ZBTB16: variants seen among roughly 807,000 people sequenced by gnomAD.
ZBTB16 encodes the protein zinc finger and BTB domain containing 16.
ZBTB16 carries 8 observed loss-of-function variants against 56.8 expected under a neutral mutation model. The observed-to-expected ratio is 0.14, with a 90% CI of 0.08 to 0.25. The LOEUF (loss-of-function observed/expected upper bound fraction) is 0.25. Among genes scored for constraint, ZBTB16 ranks in the 10% least tolerant of loss-of-function variants. The pLI is 1.00. For missense variants in ZBTB16, 625 were observed against 903.0 expected (o/e 0.69, Z 3.95); for synonymous variants, 363 against 368.5 (o/e 0.98, Z 0.17).
At chr11:114,085,136 G>A (rs969196576) in intron 2 of ZBTB16, among the ~76,000 whole-genome samples, 1 of 152,204 alleles carries the variant, frequency 6.6e-6, no homozygotes, top group Non-Finnish European at 1.5e-5. Flanking sequence ...TAGAGTGGAG[G>A]CTGTGGCCCA....
At chr11:114,140,373 C>T (rs921938543) in intron 2 of ZBTB16, among the ~76,000 whole-genome samples, 1 of 152,200 alleles carries the variant, frequency 6.6e-6, no homozygotes, top group Admixed American at 6.5e-5. Context: ...TGTCTTCCCT[C>T]TTCAACTAAA....
chr11:114,161,819 T>G, intron 3 of ZBTB16, among the ~76,000 whole-genome samples: 1 of 151,780 alleles, frequency 6.6e-6, no homozygotes, highest in Middle Eastern at 3.2e-3. Flanking sequence ...TTGGGCTTTT[T>G]TTTATGTAGA....
chr11:114,219,965 T>G (rs756958709), intron 4 of ZBTB16, among the ~76,000 whole-genome samples: 5 of 152,214 alleles, frequency 3.3e-5, no homozygotes, highest in African/African-American at 7.2e-5. Flanking sequence ...TTTCACATAG[T>G]CTGTCCCAGT....
intron 2 of ZBTB16, among the ~76,000 whole-genome samples, chr11:114,071,860 A>T (rs1029852866): frequency 6.6e-6 from 1 of 152,236 alleles, no homozygotes. Flanking sequence ...GGAAATGAGC[A>T]CTTTGACTGT....
chr11:114,188,712 C>G (rs1176508978), intron 4 of ZBTB16: 3 of 152,194 alleles, frequency 2.0e-5, no homozygotes, highest in Non-Finnish European at 4.4e-5. Flanking sequence ...AACTGAGCTT[C>G]TAGCTGGGAG....
At chr11:114,088,159 T>TTG (rs1555130564) in intron 2 of ZBTB16, among the ~76,000 whole-genome samples, 38 of 150,642 alleles carry the variant, frequency 2.5e-4, no homozygotes, top group African/African-American at 8.1e-4. Context: ...TTTTTTTTTT[T>TTG]GATACAGAGT....
At chr11:114,076,845 C>T (rs571023835) in intron 2 of ZBTB16, among the ~76,000 whole-genome samples, 14 of 152,208 alleles carry the variant, frequency 9.2e-5, no homozygotes, top group African/African-American at 3.1e-4. Context: ...CCACCTCTCC[C>T]GCGCCTTTCC....
intron 3 of ZBTB16, among the ~76,000 whole-genome samples, chr11:114,179,308 G>A (rs1743513586): frequency 6.9e-6 from 1 of 144,884 alleles, no homozygotes; most frequent in African/African-American, 2.6e-5. Flanking sequence ...GAGCCTTCAA[G>A]CTCCTCTCTG....
chr11:114,150,606 A>T (rs1209647477), intron 2 of ZBTB16, among the ~76,000 whole-genome samples: 2 of 152,218 alleles, frequency 1.3e-5, no homozygotes, highest in Admixed American at 6.5e-5. Context: ...TTCCTCTTAA[A>T]ATTAGAGCAC....
intron 4 of ZBTB16, among the ~76,000 whole-genome samples, chr11:114,191,435 G>A (rs1215486681): frequency 4.1e-4 from 63 of 152,274 alleles, no homozygotes; most frequent in Admixed American, 4.1e-3. Flanking sequence ...TGAAGTCTAG[G>A]AACAATTGGC....
chr11:114,082,494 T>G (rs1939803015), intron 2 of ZBTB16, among the ~76,000 whole-genome samples: 1 of 152,174 alleles, frequency 6.6e-6, no homozygotes, highest in Admixed American at 6.5e-5. Context: ...CCGGGAGAGT[T>G]GGAGCCTTGG....
At chr11:114,196,089 A>G (rs1565679922) in intron 4 of ZBTB16, among the ~76,000 whole-genome samples, 1 of 152,232 alleles carries the variant, frequency 6.6e-6, no homozygotes, top group African/African-American at 2.4e-5. Flanking sequence ...TGGAATGCCC[A>G]AAGCTTCCCA....
chr11:114,073,498 C>T (rs999518705), intron 2 of ZBTB16, among the ~76,000 whole-genome samples: 1 of 152,072 alleles, frequency 6.6e-6, no homozygotes, highest in Non-Finnish European at 1.5e-5. Context: ...GTTTTGCCTA[C>T]GTGAGGCTTA....
intron 2 of ZBTB16, among the ~76,000 whole-genome samples, chr11:114,133,504 A>G (rs892188642): frequency 1.3e-5 from 2 of 152,176 alleles, no homozygotes; most frequent in Admixed American, 6.5e-5. Context: ...TTGAGGTCCA[A>G]CAGGCCCCTG....
intron 2 of ZBTB16, among the ~76,000 whole-genome samples, chr11:114,141,547 T>A (rs1022956172): frequency 9.2e-5 from 14 of 152,250 alleles, no homozygotes; most frequent in African/African-American, 3.4e-4. Flanking sequence ...TGTGCTAAGT[T>A]GTTTTACATG....
intron 4 of ZBTB16, among the ~76,000 whole-genome samples, chr11:114,202,397 A>G (rs996887972): frequency 1.1e-4 from 16 of 152,130 alleles, no homozygotes; most frequent in African/African-American, 3.6e-4. Flanking sequence ...CCACGAGGTC[A>G]CAGAGGTGAC....
chr11:114,135,829 G>A (rs1158189989), intron 2 of ZBTB16, among the ~76,000 whole-genome samples: 1 of 152,140 alleles, frequency 6.6e-6, no homozygotes, highest in African/African-American at 2.4e-5. Context: ...ACTGTTCTCG[G>A]GTGCTCTTGC....
chr11:114,232,100 C>G (rs947989983), intron 4 of ZBTB16, among the ~76,000 whole-genome samples: 2 of 152,264 alleles, frequency 1.3e-5, no homozygotes, highest in Middle Eastern at 3.4e-3. Flanking sequence ...CTTTCATGCT[C>G]CGTCCCGATG....
At chr11:114,074,935 G>A (rs753473089) in intron 2 of ZBTB16, among the ~76,000 whole-genome samples, 1 of 152,128 alleles carries the variant, frequency 6.6e-6, no homozygotes, top group Non-Finnish European at 1.5e-5. Context: ...GATTTATGCA[G>A]TGAGGGCGAC....
Sources: gnomAD v4.1 joint callset for allele counts (sites outside exome capture counted in the v4.1 genomes callset) on GRCh38, gnomAD v4.1.1 for gene constraint, MANE v1.5 for transcripts, NCBI Gene and HGNC (gene_info 2026-07-23, HGNC 2026-07-21) for gene names.